The following FKBP8 variants were observed in gnomAD, a reference collection of about 807,000 sequenced individuals.
FKBP8 encodes the protein peptidyl-prolyl cis-trans isomerase FKBP8.
In FKBP8, 5 loss-of-function variants were observed where a neutral mutation model predicts 41.7. The observed-to-expected ratio is 0.12, with a 90% CI of 0.06 to 0.25. FKBP8 has a LOEUF of 0.25. Among genes scored for constraint, FKBP8 ranks in the 10% least tolerant of loss-of-function variants. The pLI, the probability that FKBP8 is intolerant of heterozygous loss-of-function variation, is 1.00. For missense variants in FKBP8, 397 were observed against 563.0 expected, an observed-to-expected ratio of 0.71 and a Z score of 2.98; for synonymous variants, 279 against 254.5, an observed-to-expected ratio of 1.10 and a Z score of -0.92.
chr19:18,542,075 C>CCGAT (rs1298884799), intron 1 of FKBP8, 80 bp from the exon 2 acceptor site: 10 of 1,495,410 alleles, frequency 6.7e-6, no homozygotes, highest in Non-Finnish European at 8.9e-6. Context: ...CCCCACACTG[C>CCGAT]CGATCACTTT....
At position 18,537,894 on chromosome 19, in the gene FKBP8, G is replaced by C; in HGVS notation, c.773-121C>G. The C allele has an allele frequency of 9.2e-7, 1 of 1,084,474 alleles. No individual in the cohort carries two copies. The highest frequency in any genetic ancestry group is 1.3e-6 in the Non-Finnish European group (1 of 761,490). 67.2% of individuals were successfully genotyped at this position (1,084,474 alleles called of 1,614,324 possible). A position where few individuals can be genotyped will look rare whatever the true frequency, so the allele number is the denominator to read the frequency against. ...TTCCCCAATTTTAACCCCGGACCAA[G>C]GGCCACGCTTTCCTGGGGCTCTCCT... On this transcript the variant is annotated intron_variant, in intron 5 of 8. Transcript: ENST00000608443. The surrounding 1 kb of genome is among the most constrained non-coding windows in gnomAD (Gnocchi z 4.4).
At chr19:18,533,184 G>C (rs1976488182) in intron 7 of FKBP8, 86 bp downstream of exon 7, 1 of 1,302,780 alleles carries the variant, frequency 7.7e-7, no homozygotes, top group African/African-American at 1.5e-5. Flanking sequence ...GAACACAACA[G>C]AGAGCCACAG....
intron 7 of FKBP8, 56 bp from the exon 8 acceptor site, chr19:18,532,851 G>A (rs774264964): frequency 2.3e-5 from 36 of 1,599,140 alleles, no homozygotes; most frequent in East Asian, 6.7e-5. Context: ...CATCACTGGC[G>A]CTCTGCCTTA....
chr19:18,532,588 C>G, intron 8 of FKBP8, 76 bp downstream of exon 8: 1 of 1,569,380 alleles, frequency 6.4e-7, no homozygotes, highest in Non-Finnish European at 8.6e-7. Context: ...CCGAGGACAT[C>G]CATGTATGCA....
intron 8 of FKBP8, 41 bp downstream of exon 8, chr19:18,532,623 G>C (rs1976475102): frequency 3.7e-6 from 6 of 1,608,096 alleles, no homozygotes; most frequent in Non-Finnish European, 1.7e-6. Context: ...TGCTAGGCGT[G>C]CCCTGCACAC....
Position 18,537,085 on chromosome 19 carries a change from T to C in FKBP8, c.945+516A>G, listed in dbSNP as rs906400060. The stretch of plus-strand genomic sequence containing the variant: ...CGGGCACGGTGGCTCAGGCCTGTAA[T>C]CTCAGCACATGGGGAGACTGAGGCG... On this transcript the variant is annotated intron_variant, in intron 6 of 8. Coordinates refer to ENST00000608443, the MANE Select transcript of FKBP8 (RefSeq NM_012181.5). This position sits in a 1 kb window ranked among gnomAD's most constrained non-coding sequence, Gnocchi z 4.4. 6.6e-6 allele frequency among the ~76,000 whole-genome samples: 1 copy of C among 152,052 alleles called. No individual in the cohort carries two copies. Among genetic ancestry groups the C allele is most frequent in the African/African-American group, 2.4e-5 (1 of 41,410 alleles).
At position 18,531,908 on chromosome 19, in the gene FKBP8, C is replaced by T; in HGVS notation, c.*261G>A. 5 of 497,246 alleles carry T rather than the reference C, an allele frequency of 1.0e-5. No individual in the cohort carries two copies. The highest frequency in any genetic ancestry group is 1.8e-5 in the Non-Finnish European group (5 of 272,038). 30.8% of individuals were successfully genotyped at this position (497,246 alleles called of 1,614,324 possible). A position where few individuals can be genotyped will look rare whatever the true frequency, so the allele number is the denominator to read the frequency against. On this transcript the variant is annotated 3_prime_UTR_variant, in exon 9 of 9. Transcript: ENST00000608443. ...TGTTGAGGAGAAACTGAGGCCAGCC[C>T]TGGCGGAGACCTAGCCCAGCGGGGT... is the stretch of plus-strand genomic sequence containing the variant.
chr19:18,542,983 C>A, intron 1 of FKBP8: 2 of 995,378 alleles, frequency 2.0e-6, no homozygotes, highest in South Asian at 3.1e-5. Flanking sequence ...GGCCTCCCCT[C>A]CCACCCCCCA....
Position 18,539,727 on chromosome 19 carries a change from G to C in FKBP8, c.293-7C>G, listed in dbSNP as rs1191699978. The C allele has an allele frequency of 6.2e-7, 1 of 1,605,452 alleles. No homozygotes were observed. The highest frequency in any genetic ancestry group is 1.1e-5 in the South Asian group (1 of 91,076). ...TTCCTCAACAGCCCGTTCCCTGCCA[G>C]GGTCCAGGGACATGCAGCCTGTCAC... On this transcript the variant is annotated splice_polypyrimidine_tract_variant and splice_region_variant and intron_variant, in intron 2 of 8. Transcript: ENST00000608443.
chr19:18,539,602 C>T lies in FKBP8; in HGVS notation c.411G>A (p.Val137=), dbSNP rs1180383336. The T allele has an allele frequency of 6.2e-7, 1 of 1,613,334 alleles. No individual in the cohort carries two copies. The highest frequency in any genetic ancestry group is 2.2e-5 in the East Asian group (1 of 44,888). Residue 137 remains valine (V), a synonymous_variant, in exon 3 of 9, where the codon GTG becomes GTA. Coordinates refer to ENST00000608443, the MANE Select transcript of FKBP8 (RefSeq NM_012181.5). ...LQTSLENGTR[V]QEEPELVFTL... is the part of the protein sequence containing the mutation. ...TGAACACCAGCTCCGGCTCCTCCTG[C>T]ACCCGTGTGCCATTCTCCAGCGACG...
chr19:18,539,559 C>T lies in FKBP8; in HGVS notation c.454G>A (p.Val152Ile), dbSNP rs760604410. 8 of 1,612,908 alleles carry T rather than the reference C, an allele frequency of 5.0e-6. No homozygotes were observed. Among genetic ancestry groups the T allele is most frequent in the African/African-American group, 4.0e-5 (3 of 74,938 alleles). Residue 152 changes from valine (V) to isoleucine (I), a missense_variant, in exon 3 of 9, where the codon GTC becomes ATC. Physicochemically the swap from Val to Ile is conservative, Grantham distance 29. This residue lies in a region of FKBP8 where 225 missense variants were observed against 366.8 expected (regional missense o/e 0.61). Transcript: ENST00000608443. The part of the protein sequence containing the change: ...ELVFTLGDCD[V>I]IQALDLSVPL... Reference sequence around the variant, plus strand: ...CCCGCCCCAGCCCGCACCTGGATGACGTCACAGTCACCCAGAGTGAACACC... The same window carrying T: ...CCCGCCCCAGCCCGCACCTGGATGATGTCACAGTCACCCAGAGTGAACACC...
At position 18,532,229 on chromosome 19, in the gene FKBP8, C is replaced by A; in HGVS notation, c.1182G>T (p.Gly394=). The change falls in exon 9 of 9, where the codon GGG becomes GGT. Residue 394 remains glycine, a synonymous_variant. Transcript: ENST00000608443. The stretch of plus-strand genomic sequence containing the variant: ...CACCCCCCAAGGCAACAGCAGTCGC[C>A]CCAAACAGCCACTTCCATGGGATGG... ...AWSIPWKWLF[G]ATAVALGGVA... 6.2e-7 allele frequency: 1 copy of A among 1,609,656 alleles called. No homozygotes were observed. The highest frequency in any genetic ancestry group is 8.5e-7 in the Non-Finnish European group (1 of 1,178,506).
At position 18,538,081 on chromosome 19, in the gene FKBP8, G is replaced by T; in HGVS notation, c.772+135C>A. On this transcript the variant is annotated intron_variant, in intron 5 of 8. Transcript: ENST00000608443. The surrounding 1 kb of genome is among the most constrained non-coding windows in gnomAD (Gnocchi z 4.0). ...AGTCTGTAACAGGCCCTAGCTTAGG[G>T]GCAGTTGGGGATCTACCCATATTCT... 1.0e-6 allele frequency: 1 copy of T among 969,738 alleles called. No individual in the cohort carries two copies. Among genetic ancestry groups the T allele is most frequent in the Non-Finnish European group, 1.6e-6 (1 of 642,478 alleles). 60.1% of individuals were successfully genotyped at this position (969,738 alleles called of 1,614,324 possible). A position where few individuals can be genotyped will look rare whatever the true frequency, so the allele number is the denominator to read the frequency against.
At chr19:18,539,993 GTTTT>G (rs1292329542) in intron 2 of FKBP8, among the ~76,000 whole-genome samples, 1 of 151,554 alleles carries the variant, frequency 6.6e-6, no homozygotes, top group South Asian at 2.1e-4. Context: ...TGGTTTTTTT[GTTTT>G]TTTGTTTTTT....
rs906182814 is a variant in FKBP8 at position 18,532,061 on chromosome 19, G to A, written c.*108C>T. The A allele has an allele frequency of 4.4e-5, 44 of 989,692 alleles. No homozygotes were observed. The highest frequency in any genetic ancestry group is 6.5e-5 in the Non-Finnish European group (42 of 644,628). The allele number at this position is 989,692 out of a possible 1,614,324, so 61.3% of individuals were successfully genotyped here. ...CCCCCAATCCTTGCTCCCCTAACCC[G>A]GAGGAGGGGGCCAGACCAGGGAGGG... is the stretch of plus-strand genomic sequence containing the variant. On this transcript the variant is annotated 3_prime_UTR_variant, in exon 9 of 9. Transcript: ENST00000608443.
Position 18,539,611 on chromosome 19 carries a change from G to A in FKBP8, c.402C>T (p.Gly134=), listed in dbSNP as rs763681278. 10 of 1,613,090 alleles carry A rather than the reference G, an allele frequency of 6.2e-6. No individual in the cohort carries two copies. Among genetic ancestry groups the A allele is most frequent in the Non-Finnish European group, 8.5e-6 (10 of 1,180,032 alleles). Residue 134 remains glycine, a synonymous_variant, in exon 3 of 9, where the codon GGC becomes GGT. Coordinates refer to ENST00000608443, the MANE Select transcript of FKBP8 (RefSeq NM_012181.5). ...TVHLQTSLEN[G]TRVQEEPELV... is the part of the protein sequence containing the mutation. ...GCTCCGGCTCCTCCTGCACCCGTGT[G>A]CCATTCTCCAGCGACGTCTGCAGAT...
chr19:18,543,013 CAG>C, intron 1 of FKBP8: 1 of 675,966 alleles, frequency 1.5e-6, no homozygotes, highest in Non-Finnish European at 2.1e-6. Flanking sequence ...CCACCGCCCC[CAG>C]CACGGGCCAG....
At chr19:18,534,179 C>T (rs1278609796) in intron 6 of FKBP8, among the ~76,000 whole-genome samples, 5 of 147,644 alleles carry the variant, frequency 3.4e-5, no homozygotes, top group African/African-American at 1.2e-4. Flanking sequence ...TGGTGGCGGG[C>T]GCCTGTAGTC....
chr19:18,532,881 G>A, intron 7 of FKBP8, 86 bp from the exon 8 acceptor site: 1 of 1,558,808 alleles, frequency 6.4e-7, no homozygotes. Flanking sequence ...TAGGCTGTTT[G>A]GGTGGTGGGA....
Sources: allele counts gnomAD v4.1 joint callset (sites outside exome capture counted in the v4.1 genomes callset), GRCh38; gene constraint gnomAD v4.1.1; regional missense constraint gnomAD v4.1.1; non-coding constraint Gnocchi (gnomAD v3.1); transcripts MANE v1.5; gene names NCBI Gene and HGNC (gene_info 2026-07-23, HGNC 2026-07-21).